Variants in LRP1B observed in about 807,000 individuals in gnomAD.
LRP1B encodes low-density lipoprotein receptor-related protein 1B.
Under a neutral mutation model 556.6 loss-of-function variants are expected in LRP1B, and 217 were observed. That is an observed-to-expected ratio of 0.39 (90% confidence interval 0.35 to 0.44). The LOEUF (loss-of-function observed/expected upper bound fraction) is 0.44. LRP1B is among the 20% of genes least tolerant of loss of function. LRP1B has a pLI of 1.00. For synonymous variants in LRP1B, 2,047 were observed against 1,865.8 expected, an observed-to-expected ratio of 1.10 and a Z score of -2.50; for missense variants, 5,053 against 5,620.8, an observed-to-expected ratio of 0.90 and a Z score of 3.23.
intron 2 of LRP1B, among the ~76,000 whole-genome samples, chr2:141,742,180 T>C (rs1406882628): frequency 2.0e-5 from 3 of 152,138 alleles, no homozygotes; most frequent in Non-Finnish European, 4.4e-5. Flanking sequence ...TACCATGCCA[T>C]CGTAGTTACT....
chr2:142,055,284 C>T (rs1704627885), intron 1 of LRP1B, among the ~76,000 whole-genome samples: 2 of 152,082 alleles, frequency 1.3e-5, no homozygotes, highest in Non-Finnish European at 2.9e-5. Context: ...GAAAACATCC[C>T]TCCATGGTGG....
chr2:140,263,849 A>C, intron 86 of LRP1B, among the ~76,000 whole-genome samples: 1 of 144,110 alleles, frequency 6.9e-6, no homozygotes, highest in Non-Finnish European at 1.5e-5. Flanking sequence ...GCCATCTTCT[A>C]CCCATTACCC....
At chr2:140,445,476 A>G (rs912067908) in intron 63 of LRP1B, among the ~76,000 whole-genome samples, 2 of 152,130 alleles carry the variant, frequency 1.3e-5, no homozygotes, top group African/African-American at 2.4e-5. Flanking sequence ...CACATTTTAA[A>G]TCAGATTTAT....
intron 7 of LRP1B, among the ~76,000 whole-genome samples, chr2:141,090,280 C>T (rs920044503): frequency 6.6e-6 from 1 of 152,154 alleles, no homozygotes; most frequent in Admixed American, 6.5e-5. Flanking sequence ...AAAAAGATTA[C>T]TATGACTAAG....
At chr2:141,494,650 T>C (rs930745612) in intron 2 of LRP1B, among the ~76,000 whole-genome samples, 3 of 151,454 alleles carry the variant, frequency 2.0e-5, no homozygotes, top group African/African-American at 7.3e-5. Context: ...AAATACACAG[T>C]ATTTGGTGAC....
chr2:140,551,940 C>T (rs1207998238), intron 43 of LRP1B, among the ~76,000 whole-genome samples: 7 of 152,034 alleles, frequency 4.6e-5, no homozygotes, highest in Non-Finnish European at 8.8e-5. Flanking sequence ...TACATAATAA[C>T]CCCTGTGATA....
intron 32 of LRP1B, among the ~76,000 whole-genome samples, chr2:140,793,608 A>G (rs1161632115): frequency 6.6e-6 from 1 of 152,022 alleles, no homozygotes; most frequent in Non-Finnish European, 1.5e-5. Context: ...TCACAAATGA[A>G]TGATCTTTAG....
chr2:140,588,016 A>C (rs1385807696), intron 43 of LRP1B, among the ~76,000 whole-genome samples: 4 of 152,164 alleles, frequency 2.6e-5, no homozygotes, highest in Non-Finnish European at 5.9e-5. Flanking sequence ...AGAACATCAA[A>C]ACAGTCTCAG....
intron 2 of LRP1B, among the ~76,000 whole-genome samples, chr2:141,530,611 A>C (rs1684840172): frequency 6.6e-6 from 1 of 152,082 alleles, no homozygotes. Context: ...CAGATAACGC[A>C]AAGTGCAATC....
rs771297055 is a variant in LRP1B, at chr2:140,495,556, A to G, written c.9034+9T>C. 3 of 1,571,942 alleles carry G rather than the reference A, an allele frequency of 1.9e-6. No homozygotes were observed. Among genetic ancestry groups the G allele is most frequent in the South Asian group, 1.1e-5 (1 of 87,108 alleles). ...GAGGTTGGATCAGTGGGCAAGTTCA[A>G]TTCGATACCTGAGAGCGATTTGCAG... is the stretch of plus-strand genomic sequence containing the variant. On this transcript the variant is annotated intron_variant, in intron 56 of 90. Coordinates refer to ENST00000389484, the MANE Select transcript of LRP1B (RefSeq NM_018557.3).
chr2:141,876,403 G>T (rs1487779432), intron 1 of LRP1B, among the ~76,000 whole-genome samples: 2 of 151,748 alleles, frequency 1.3e-5, no homozygotes, highest in African/African-American at 4.8e-5. Flanking sequence ...ACTGGAGGAG[G>T]GTGAAGCCAA....
intron 2 of LRP1B, among the ~76,000 whole-genome samples, chr2:141,624,473 C>T (rs917711232): frequency 1.3e-5 from 2 of 152,054 alleles, no homozygotes; most frequent in Admixed American, 6.6e-5. Flanking sequence ...CTAATATATA[C>T]TTTTTAAATA....
chr2:141,511,371 G>A (rs1684125766), intron 2 of LRP1B, among the ~76,000 whole-genome samples: 1 of 152,028 alleles, frequency 6.6e-6, no homozygotes, highest in Admixed American at 6.6e-5. Flanking sequence ...AACCGGTGAA[G>A]GATTTTCACT....
At chr2:140,985,821 T>C (rs1163911081) in intron 17 of LRP1B, among the ~76,000 whole-genome samples, 1 of 151,970 alleles carries the variant, frequency 6.6e-6, no homozygotes, top group Admixed American at 6.6e-5. Flanking sequence ...TTTACTGTTA[T>C]ATAGCTATAT....
chr2:141,857,939 G>A lies in LRP1B; in HGVS notation c.83-47538C>T, dbSNP rs186560514. 2.0e-5 allele frequency among the ~76,000 whole-genome samples: 3 copies of A among 152,074 alleles called. No homozygotes were observed. In the East Asian group the frequency reaches 5.8e-4, roughly 29 times the overall value. On this transcript the variant is annotated intron_variant, in intron 1 of 90. Transcript: ENST00000389484. ...AACCATTTCCCACTTGATACTATCTGTACTATTACATTTAAAACTAAATGA... is the reference window on the plus strand; with the variant it reads ...AACCATTTCCCACTTGATACTATCTATACTATTACATTTAAAACTAAATGA...
intron 58 of LRP1B, among the ~76,000 whole-genome samples, chr2:140,487,008 T>C (rs1203169129): frequency 6.6e-6 from 1 of 151,948 alleles, no homozygotes; most frequent in Non-Finnish European, 1.5e-5. Context: ...CTTTATAATA[T>C]GTTTTAATGC....
intron 2 of LRP1B, among the ~76,000 whole-genome samples, chr2:141,565,911 T>C (rs1226325051): frequency 6.6e-6 from 1 of 152,078 alleles, no homozygotes; most frequent in East Asian, 1.9e-4. Flanking sequence ...AGCACCATTT[T>C]TTTTTGCCAG....
chr2:141,772,412 T>C (rs1360757340), intron 2 of LRP1B, among the ~76,000 whole-genome samples: 1 of 152,104 alleles, frequency 6.6e-6, no homozygotes, highest in Non-Finnish European at 1.5e-5. Context: ...GAATAAAATA[T>C]TTGATAAAAT....
intron 2 of LRP1B, among the ~76,000 whole-genome samples, chr2:141,628,659 T>A (rs1248740594): frequency 6.6e-6 from 1 of 151,680 alleles, no homozygotes; most frequent in Non-Finnish European, 1.5e-5. Flanking sequence ...AGTTTCTAAT[T>A]TTTTTTTGAA....
Sources: gnomAD v4.1 joint callset for allele counts (sites outside exome capture counted in the v4.1 genomes callset) on GRCh38, gnomAD v4.1.1 for gene constraint, MANE v1.5 for transcripts, NCBI Gene and HGNC (gene_info 2026-07-23, HGNC 2026-07-21) for gene names.